Variants in CHCHD3 observed in about 807,000 individuals in gnomAD.
CHCHD3 encodes MICOS complex subunit MIC19.
In CHCHD3, 20 loss-of-function variants were observed where a neutral mutation model predicts 38.2. That is an observed-to-expected ratio of 0.52 (90% CI 0.37 to 0.76). The LOEUF is 0.76. CHCHD3 is among the 30% of genes least tolerant of loss of function. The pLI, the probability that CHCHD3 is intolerant of heterozygous loss-of-function variation, is 0.00. For synonymous variants in CHCHD3, 82 were observed against 100.0 expected, an observed-to-expected ratio of 0.82 and a Z score of 1.07; for missense variants, 245 against 279.2, an observed-to-expected ratio of 0.88 and a Z score of 0.87.
intron 6 of CHCHD3, among the ~76,000 whole-genome samples, chr7:132,834,083 C>T (rs1371631323): frequency 1.3e-5 from 2 of 152,146 alleles, no homozygotes; most frequent in Admixed American, 6.5e-5. Context: ...AGGTGCTAAG[C>T]TGGTCATACA....
intron 5 of CHCHD3, among the ~76,000 whole-genome samples, chr7:132,838,787 T>G (rs970176359): frequency 6.6e-6 from 1 of 152,242 alleles, no homozygotes; most frequent in African/African-American, 2.4e-5. Flanking sequence ...TCTACCCTTG[T>G]AAGATCAAAG....
chr7:132,879,183 GAAT>G (rs1808986370), intron 5 of CHCHD3, among the ~76,000 whole-genome samples: 2 of 152,080 alleles, frequency 1.3e-5, no homozygotes, highest in South Asian at 2.1e-4. Context: ...ACAGCACATA[GAAT>G]AATATTTTAA....
intron 7 of CHCHD3, among the ~76,000 whole-genome samples, chr7:132,792,983 G>A (rs1806502482): frequency 6.6e-6 from 1 of 152,170 alleles, no homozygotes; most frequent in African/African-American, 2.4e-5. Context: ...CCAGGGAATG[G>A]TCCCAGACGT....
At position 133,080,056 on chromosome 7, in the gene CHCHD3, T is replaced by C. The variant is rs78548280; in HGVS notation, c.81+1801A>G. On this transcript the variant is annotated intron_variant, in intron 1 of 7. Transcript: ENST00000262570. ...ATGGGAAAACTGAAGCTCAGAGAGA[T>C]TGCAAAACATTCATGTAAAAGGAGG... 6.5e-3 allele frequency among the ~76,000 whole-genome samples: 993 copies of C among 152,234 alleles called. 7 individuals carry two copies. Among genetic ancestry groups the C allele is most frequent in the Middle Eastern group, 0.031 (9 of 294 alleles).
At chr7:132,923,711 A>G (rs1343006549) in intron 4 of CHCHD3, among the ~76,000 whole-genome samples, 4 of 152,164 alleles carry the variant, frequency 2.6e-5, no homozygotes, top group Non-Finnish European at 4.4e-5. Flanking sequence ...TGCCTTGTCA[A>G]TGGGAAATAA....
At chr7:133,004,959 A>T (rs1812663295) in intron 3 of CHCHD3, among the ~76,000 whole-genome samples, 1 of 152,042 alleles carries the variant, frequency 6.6e-6, no homozygotes, top group South Asian at 2.1e-4. Flanking sequence ...AATCATTCTT[A>T]TTTTTGTTAT....
chr7:132,808,235 G>C (rs1806981953), intron 6 of CHCHD3, among the ~76,000 whole-genome samples: 1 of 152,164 alleles, frequency 6.6e-6, no homozygotes, highest in South Asian at 2.1e-4. Context: ...TGTAACACGA[G>C]CATTTGGAAA....
chr7:133,058,399 C>G (rs1231617388), intron 2 of CHCHD3, among the ~76,000 whole-genome samples: 1 of 151,984 alleles, frequency 6.6e-6, no homozygotes, highest in African/African-American at 2.4e-5. Flanking sequence ...AGCCATCACA[C>G]CAAAAAGTAC....
intron 4 of CHCHD3, among the ~76,000 whole-genome samples, chr7:132,954,263 A>C (rs1811104921): frequency 6.6e-6 from 1 of 152,172 alleles, no homozygotes; most frequent in African/African-American, 2.4e-5. Flanking sequence ...ATCTCCTGAC[A>C]CAGCACCTGG....
intron 4 of CHCHD3, among the ~76,000 whole-genome samples, chr7:132,920,146 T>C (rs1354072363): frequency 1.3e-5 from 2 of 152,322 alleles, no homozygotes; most frequent in Admixed American, 6.5e-5. Flanking sequence ...ATTGTCACTC[T>C]AATGCTGGCA....
intron 1 of CHCHD3, among the ~76,000 whole-genome samples, chr7:133,073,519 C>T (rs1006326541): frequency 6.6e-6 from 1 of 152,056 alleles, no homozygotes; most frequent in Non-Finnish European, 1.5e-5. Context: ...TCACGTTTGC[C>T]GCATATCTCC....
intron 2 of CHCHD3, chr7:133,052,053 G>A: frequency 6.6e-6 from 1 of 152,214 alleles, no homozygotes; most frequent in Non-Finnish European, 1.5e-5. Context: ...CCAATACCAT[G>A]CCAATTTAGT....
chr7:132,999,047 G>A (rs751935861), intron 3 of CHCHD3, among the ~76,000 whole-genome samples: 2 of 152,114 alleles, frequency 1.3e-5, no homozygotes, highest in Admixed American at 6.5e-5. Flanking sequence ...CTTGAGCCCA[G>A]GAGGTTGAGG....
At chr7:132,896,505 A>G (rs368738078) in intron 4 of CHCHD3, among the ~76,000 whole-genome samples, 9 of 152,226 alleles carry the variant, frequency 5.9e-5, no homozygotes, top group East Asian at 3.8e-4. Flanking sequence ...TCACTGCATC[A>G]GTTCAGTGGC....
At position 132,965,254 on chromosome 7, in the gene CHCHD3, T is replaced by C. The variant is rs532046286; in HGVS notation, c.369+9915A>G. Among the ~76,000 whole-genome samples, 402 of 152,210 alleles carry C rather than the reference T, an allele frequency of 2.6e-3. 1 individual carries two copies. The highest frequency in any genetic ancestry group is 4.2e-3 in the Non-Finnish European group (286 of 68,000). On this transcript the variant is annotated intron_variant, in intron 4 of 7. Transcript: ENST00000262570. ...AACAAAGAACAACAACAAAACTAAA[T>C]TTGCTAAATTGTGCCCAAAATAAGA...
chr7:133,019,674 G>C (rs1813127629), intron 3 of CHCHD3, among the ~76,000 whole-genome samples: 1 of 152,048 alleles, frequency 6.6e-6, no homozygotes, highest in Non-Finnish European at 1.5e-5. Flanking sequence ...TGTACAGTTA[G>C]TTCCAACATC....
intron 3 of CHCHD3, among the ~76,000 whole-genome samples, chr7:132,979,920 G>T (rs1413989485): frequency 6.6e-6 from 1 of 152,100 alleles, no homozygotes; most frequent in Non-Finnish European, 1.5e-5. Flanking sequence ...CTCTTTCAAT[G>T]GTTCCTGTAA....
At chr7:132,953,977 T>G (rs1032885204) in intron 4 of CHCHD3, among the ~76,000 whole-genome samples, 10 of 152,152 alleles carry the variant, frequency 6.6e-5, no homozygotes, top group African/African-American at 2.4e-4. Context: ...TGGAGAAGAT[T>G]GTGATCATTT....
chr7:132,789,124 G>A (rs1000450336), intron 7 of CHCHD3, among the ~76,000 whole-genome samples: 3 of 152,142 alleles, frequency 2.0e-5, no homozygotes, highest in African/African-American at 7.2e-5. Flanking sequence ...TACTGTCTCT[G>A]TATTGGTTCC....
Sources: allele counts gnomAD v4.1 joint callset (sites outside exome capture counted in the v4.1 genomes callset), GRCh38; gene constraint gnomAD v4.1.1; transcripts MANE v1.5; gene names NCBI Gene and HGNC (gene_info 2026-07-23, HGNC 2026-07-21).